SLC30A7: variants seen among roughly 807,000 people sequenced by gnomAD.
The protein encoded by SLC30A7 is solute carrier family 30 member 7.
A neutral mutation model predicts 46.0 loss-of-function variants in SLC30A7; 35 were observed. The ratio of observed to expected loss-of-function variants is 0.76; its 90% CI spans 0.58 to 1.01. The LOEUF is 1.01. Ranked by LOEUF, SLC30A7 falls within the 50% of genes least tolerant of loss-of-function variation. The probability of loss-of-function intolerance (pLI) is 0.00; values close to 1 mark genes in which losing one functional copy is unlikely to be tolerated. For synonymous variants in SLC30A7, 147 were observed against 157.8 expected (o/e 0.93, Z 0.51); for missense variants, 464 against 451.1 (o/e 1.03, Z -0.26).
At chr1:100,896,513 C>A in intron 1 of SLC30A7, 57 bp from the exon 2 acceptor site, 1 of 1,525,386 alleles carries the variant, frequency 6.6e-7, no homozygotes, top group South Asian at 1.1e-5. Flanking sequence ...TACCCAGCCT[C>A]GGGGTCCCGG....
At chr1:100,971,010 A>G (rs1252819056) in intron 10 of SLC30A7, among the ~76,000 whole-genome samples, 2 of 151,806 alleles carry the variant, frequency 1.3e-5, no homozygotes, top group Non-Finnish European at 2.9e-5. Flanking sequence ...CATCTTTTCT[A>G]CTCTTTTGCC....
At chr1:100,900,717 TA>T (rs958891873) in intron 2 of SLC30A7, among the ~76,000 whole-genome samples, 2 of 152,200 alleles carry the variant, frequency 1.3e-5, no homozygotes, top group Non-Finnish European at 2.9e-5. Flanking sequence ...GTCAGGATTC[TA>T]AGAATTTTCT....
the SLC30A7 span, among the ~76,000 whole-genome samples, chr1:100,991,936 G>A: frequency 2.0e-5 from 3 of 151,608 alleles, no homozygotes; most frequent in Non-Finnish European, 2.9e-5. Context: ...GTGAAACCCT[G>A]TCTCTACCAA....
At position 100,964,543 on chromosome 1, in the gene SLC30A7, C is replaced by A. The variant is rs77907518; in HGVS notation, c.934-1226C>A. Among the ~76,000 whole-genome samples, 40 of 152,072 alleles carry A rather than the reference C, an allele frequency of 2.6e-4. No individual in the cohort carries two copies. The East Asian group carries it at 7.0e-3, about 26-fold the overall frequency. ...GCTGAATCAGGATTCTAATCCACGT[C>A]ACTCTGACTCTAAAGGTCATCTTCT... On this transcript the variant is annotated intron_variant, in intron 9 of 10. Coordinates refer to ENST00000357650, the MANE Select transcript of SLC30A7 (RefSeq NM_133496.5).
rs1046788798 is a variant in SLC30A7 at position 100,947,851 on chromosome 1, CAG to C, written c.843-13973_843-13972del. ...TTTGTTGTTTTAAAGTCTGTTTTAT[CAG>C]AGACTAGGATTGCAATCCCTGCTCT... On this transcript the variant is annotated intron_variant, in intron 8 of 10. Coordinates refer to ENST00000357650, the MANE Select transcript of SLC30A7 (RefSeq NM_133496.5). 5.4e-4 allele frequency among the ~76,000 whole-genome samples: 82 copies of C among 152,234 alleles called. 2 individuals carry two copies. Among genetic ancestry groups the C allele is most frequent in the Admixed American group, 5.1e-3 (78 of 15,292 alleles).
intron 8 of SLC30A7, among the ~76,000 whole-genome samples, chr1:100,933,511 C>CACCCATTA (rs1040993696): frequency 1.3e-5 from 2 of 151,932 alleles, no homozygotes; most frequent in African/African-American, 4.8e-5. Context: ...TGGTGTGCTG[C>CACCCATTA]ACCCATTAAC....
rs1656842542 is a variant in SLC30A7, at chr1:100,980,176, T to G, written c.*5319T>G. 6.6e-6 allele frequency: 1 copy of G among 152,170 alleles called. No individual in the cohort carries two copies. The allele number at this position is 152,170 out of a possible 1,614,324, so 9.4% of individuals were successfully genotyped here. The stretch of plus-strand genomic sequence containing the variant: ...GAAAAGATAGTACCCTTTGTGGCTG[T>G]ATGAAGAGAGAAACTGAATTTCTAT... On this transcript the variant is annotated 3_prime_UTR_variant, in exon 11 of 11. Transcript: ENST00000357650.
chr1:100,979,002 C>A lies in SLC30A7; in HGVS notation c.*4145C>A, dbSNP rs904268660. ...TTTTTTTATAAACCAGGCTAATTCA[C>A]AGGTCATACCATTTCATTCTTGTCG... On this transcript the variant is annotated 3_prime_UTR_variant, in exon 11 of 11. Transcript: ENST00000357650. 2 of 152,114 alleles carry A rather than the reference C, an allele frequency of 1.3e-5. No homozygotes were observed. The highest frequency in any genetic ancestry group is 4.8e-5 in the African/African-American group (2 of 41,430). The allele number at this position is 152,114 out of a possible 1,614,324, so 9.4% of individuals were successfully genotyped here.
chr1:100,944,818 A>C (rs1010122945), intron 8 of SLC30A7, among the ~76,000 whole-genome samples: 18 of 151,682 alleles, frequency 1.2e-4, no homozygotes, highest in African/African-American at 3.4e-4. Context: ...TTGTGGGATC[A>C]CTGGGTCAAG....
chr1:100,932,180 C>T (rs1265160368), intron 8 of SLC30A7, among the ~76,000 whole-genome samples: 4 of 152,000 alleles, frequency 2.6e-5, no homozygotes, highest in South Asian at 2.1e-4. Context: ...TTTGGGAGGC[C>T]GAGGCGGGTA....
intron 3 of SLC30A7, among the ~76,000 whole-genome samples, chr1:100,910,767 A>G (rs1432375217): frequency 6.6e-6 from 1 of 152,110 alleles, no homozygotes; most frequent in Non-Finnish European, 1.5e-5. Flanking sequence ...TCCACTAGCA[A>G]CTTGAGATTT....
At position 100,965,930 on chromosome 1, in the gene SLC30A7, T is replaced by A; in HGVS notation, c.1083+12T>A. On this transcript the variant is annotated intron_variant, in intron 10 of 10. Transcript: ENST00000357650. ...ATATTTTTACTCAGGTATGTCTTTT[T>A]TACTAACTTCTTTTAAGGGCCTTAA... is the stretch of plus-strand genomic sequence containing the variant. 6.3e-7 allele frequency: 1 copy of A among 1,596,596 alleles called. No individual in the cohort carries two copies. Among genetic ancestry groups the A allele is most frequent in the Non-Finnish European group, 8.5e-7 (1 of 1,174,410 alleles).
At chr1:100,941,902 G>A in intron 8 of SLC30A7, 1 of 341,284 alleles carries the variant, frequency 2.9e-6, no homozygotes, top group Non-Finnish European at 5.4e-6. Flanking sequence ...TGGCTCCTCA[G>A]ATCTTCCTCA....
At chr1:100,926,953 G>A (rs954732241) in intron 8 of SLC30A7, among the ~76,000 whole-genome samples, 6 of 152,218 alleles carry the variant, frequency 3.9e-5, no homozygotes, top group Non-Finnish European at 8.8e-5. Context: ...AATGGTGGAG[G>A]AGAGGAATAT....
At chr1:100,919,856 A>C (rs183984808) in intron 7 of SLC30A7, among the ~76,000 whole-genome samples, 5 of 152,230 alleles carry the variant, frequency 3.3e-5, no homozygotes, top group African/African-American at 1.2e-4. Flanking sequence ...ATACATGAAA[A>C]ACTTGAATTA....
intron 7 of SLC30A7, among the ~76,000 whole-genome samples, chr1:100,919,370 A>C (rs924430919): frequency 1.3e-5 from 2 of 152,086 alleles, no homozygotes; most frequent in Non-Finnish European, 1.5e-5. Flanking sequence ...GACTTTCTGA[A>C]TGGCTTCTGA....
At chr1:100,898,971 T>C (rs1245554792) in intron 2 of SLC30A7, among the ~76,000 whole-genome samples, 1 of 152,236 alleles carries the variant, frequency 6.6e-6, no homozygotes, top group Non-Finnish European at 1.5e-5. Context: ...TAAAGGTTCA[T>C]AGAAGCAGTT....
At chr1:100,924,173 A>C (rs1220463932) in intron 8 of SLC30A7, among the ~76,000 whole-genome samples, 2 of 152,222 alleles carry the variant, frequency 1.3e-5, no homozygotes, top group African/African-American at 4.8e-5. Context: ...TAAATATTTT[A>C]ATGACTCTTA....
chr1:100,916,180 A>C (rs555789377), intron 6 of SLC30A7, among the ~76,000 whole-genome samples: 71 of 150,388 alleles, frequency 4.7e-4, no homozygotes, highest in Middle Eastern at 3.4e-3. Context: ...GTATATTCTT[A>C]TTATTTATTT....
Sources: allele counts gnomAD v4.1 joint callset (sites outside exome capture counted in the v4.1 genomes callset), GRCh38; gene constraint gnomAD v4.1.1; transcripts MANE v1.5; gene names NCBI Gene and HGNC (gene_info 2026-07-23, HGNC 2026-07-21).